The following HS6ST3 variants were observed in gnomAD, a reference collection of about 807,000 sequenced individuals.
HS6ST3 encodes heparan sulfate 6-O-sulfotransferase 3.
In HS6ST3, 12 loss-of-function variants were observed where a neutral mutation model predicts 36.7. That is an observed-to-expected ratio of 0.33 (90% CI 0.21 to 0.53). The LOEUF is 0.53. Among genes scored for constraint, HS6ST3 ranks in the 20% least tolerant of loss-of-function variants. The pLI, the probability that HS6ST3 is intolerant of heterozygous loss-of-function variation, is 0.95. For missense variants in HS6ST3, 584 were observed against 640.9 expected (o/e 0.91, Z 0.96); for synonymous variants, 240 against 257.5 (o/e 0.93, Z 0.65).
chr13:96,142,881 AATG>A (rs2054038862), intron 1 of HS6ST3, among the ~76,000 whole-genome samples: 1 of 152,144 alleles, frequency 6.6e-6, no homozygotes, highest in Non-Finnish European at 1.5e-5. Context: ...AAACAGTAAT[AATG>A]ATAATTCAGT....
intron 1 of HS6ST3, among the ~76,000 whole-genome samples, chr13:96,751,068 T>C (rs1341159198): frequency 1.3e-5 from 2 of 152,200 alleles, no homozygotes; most frequent in African/African-American, 4.8e-5. Flanking sequence ...CACTTTTTTT[T>C]ACCCTCATCA....
intron 1 of HS6ST3, among the ~76,000 whole-genome samples, chr13:96,114,137 TTAATA>T (rs1377349784): frequency 2.0e-5 from 3 of 151,910 alleles, no homozygotes; most frequent in East Asian, 1.9e-4. Flanking sequence ...ATTTTCTTTA[TTAATA>T]TAATAATTCT....
At chr13:96,699,370 C>A (rs1875221588) in intron 1 of HS6ST3, among the ~76,000 whole-genome samples, 1 of 152,150 alleles carries the variant, frequency 6.6e-6, no homozygotes, top group Non-Finnish European at 1.5e-5. Flanking sequence ...GGACTAATAT[C>A]CAGAATCTAC....
intron 1 of HS6ST3, among the ~76,000 whole-genome samples, chr13:96,129,089 C>T (rs1397002062): frequency 2.6e-5 from 4 of 152,134 alleles, no homozygotes; most frequent in Non-Finnish European, 4.4e-5. Flanking sequence ...TCAGGTGATC[C>T]GTCTGCTTCA....
At chr13:96,505,768 C>T (rs2056023827) in intron 1 of HS6ST3, among the ~76,000 whole-genome samples, 1 of 152,074 alleles carries the variant, frequency 6.6e-6, no homozygotes, top group Non-Finnish European at 1.5e-5. Flanking sequence ...TCTTTACGCT[C>T]AATAAAAACT....
At position 96,118,300 on chromosome 13, in the gene HS6ST3, C is replaced by T. The variant is rs77656422; in HGVS notation, c.707+26731C>T. Among the ~76,000 whole-genome samples the T allele has an allele frequency of 1.9e-4, 29 of 152,180 alleles. No homozygotes were observed. In the East Asian group the frequency reaches 3.7e-3, roughly 19 times the overall value. ...AAGTAGAGATTAGGATACAGACACA[C>T]GCAGAGGGAAGATCATGTGAAGACA... is the stretch of plus-strand genomic sequence containing the variant. On this transcript the variant is annotated intron_variant, in intron 1 of 1. Transcript: ENST00000376705.
intron 1 of HS6ST3, among the ~76,000 whole-genome samples, chr13:96,465,329 A>T (rs1714738596): frequency 6.6e-6 from 1 of 152,216 alleles, no homozygotes; most frequent in African/African-American, 2.4e-5. Context: ...TGGAAACAAC[A>T]ACCCAAATGT....
At chr13:96,271,779 C>G (rs2054721625) in intron 1 of HS6ST3, among the ~76,000 whole-genome samples, 1 of 151,988 alleles carries the variant, frequency 6.6e-6, no homozygotes, top group Non-Finnish European at 1.5e-5. Context: ...TGCTATGAGT[C>G]TCCTTGCAAC....
intron 1 of HS6ST3, among the ~76,000 whole-genome samples, chr13:96,579,346 T>C (rs1371287201): frequency 2.6e-5 from 4 of 152,160 alleles, no homozygotes; most frequent in Admixed American, 2.6e-4. Context: ...TGACCTTCAG[T>C]GCAAAGACTT....
intron 1 of HS6ST3, among the ~76,000 whole-genome samples, chr13:96,200,942 A>G (rs954631568): frequency 9.8e-5 from 15 of 152,342 alleles, no homozygotes; most frequent in African/African-American, 3.6e-4. Flanking sequence ...CTGTCAGGAC[A>G]GAGCCCAGGC....
intron 1 of HS6ST3, among the ~76,000 whole-genome samples, chr13:96,520,934 A>G (rs942524355): frequency 1.3e-5 from 2 of 152,222 alleles, no homozygotes; most frequent in Non-Finnish European, 1.5e-5. Flanking sequence ...CGGTTTTCAA[A>G]GGGAATGCTT....
At chr13:96,128,208 T>A (rs969289287) in intron 1 of HS6ST3, among the ~76,000 whole-genome samples, 1 of 152,202 alleles carries the variant, frequency 6.6e-6, no homozygotes, top group Non-Finnish European at 1.5e-5. Context: ...GACCTACGGG[T>A]GGGATCAAAA....
At position 96,258,357 on chromosome 13, in the gene HS6ST3, A is replaced by AAACAAC. The variant is rs147134800; in HGVS notation, c.707+166803_707+166808dup. Among the ~76,000 whole-genome samples the AAACAAC allele has an allele frequency of 8.9e-4, 136 of 152,146 alleles. 1 individual carries two copies. The East Asian group carries it at 0.018, about 21-fold the overall frequency. The stretch of plus-strand genomic sequence containing the variant: ...TTCTAGTTCTCATGTCAGATGTTCA[A>AAACAAC]AACAACAACAACAACAACAAAAACC... On this transcript the variant is annotated intron_variant, in intron 1 of 1. Coordinates refer to ENST00000376705, the MANE Select transcript of HS6ST3 (RefSeq NM_153456.4).
intron 1 of HS6ST3, among the ~76,000 whole-genome samples, chr13:96,773,512 G>A (rs1877319519): frequency 6.6e-6 from 1 of 152,072 alleles, no homozygotes. Context: ...CACCATTACT[G>A]AGGCTTGAGT....
At chr13:96,660,285 A>T (rs1437096683) in intron 1 of HS6ST3, among the ~76,000 whole-genome samples, 1 of 152,132 alleles carries the variant, frequency 6.6e-6, no homozygotes, top group African/African-American at 2.4e-5. Flanking sequence ...GGATTATTTT[A>T]AAAATAATAC....
At chr13:96,443,269 G>A (rs938590353) in intron 1 of HS6ST3, among the ~76,000 whole-genome samples, 2 of 151,828 alleles carry the variant, frequency 1.3e-5, no homozygotes, top group Non-Finnish European at 2.9e-5. Context: ...GGTGGCTCAC[G>A]CCTGTAATCC....
At chr13:96,546,413 G>T (rs890096814) in intron 1 of HS6ST3, among the ~76,000 whole-genome samples, 4 of 152,088 alleles carry the variant, frequency 2.6e-5, no homozygotes, top group African/African-American at 9.7e-5. Flanking sequence ...GCAAGGGCAG[G>T]GATTGACGGT....
intron 1 of HS6ST3, among the ~76,000 whole-genome samples, chr13:96,503,681 A>G (rs1315686660): frequency 2.6e-5 from 4 of 152,130 alleles, no homozygotes; most frequent in Non-Finnish European, 5.9e-5. Context: ...GTTTGGACTA[A>G]AAATAGTAGC....
chr13:96,810,293 C>G (rs770504746), intron 1 of HS6ST3, among the ~76,000 whole-genome samples: 20 of 152,114 alleles, frequency 1.3e-4, no homozygotes, highest in Non-Finnish European at 2.2e-4. Context: ...AGTTTCTTAT[C>G]TTTCCTTCAG....
Sources: gnomAD v4.1 joint callset for allele counts (sites outside exome capture counted in the v4.1 genomes callset) on GRCh38, gnomAD v4.1.1 for gene constraint, MANE v1.5 for transcripts, NCBI Gene and HGNC (gene_info 2026-07-23, HGNC 2026-07-21) for gene names.